HPGD: variants seen among roughly 807,000 people sequenced by gnomAD.
HPGD encodes the protein 15-hydroxyprostaglandin dehydrogenase, also known as 15-hydroxyprostaglandin dehydrogenase [NAD(+)].
Under a neutral mutation model 30.0 loss-of-function variants are expected in HPGD, and 29 were observed. The ratio of observed to expected loss-of-function variants is 0.97; its 90% CI spans 0.72 to 1.32. The LOEUF (loss-of-function observed/expected upper bound fraction) is 1.32. Among genes scored for constraint, HPGD ranks in the 40% most tolerant of loss-of-function variants. HPGD has a pLI of 0.00. For synonymous variants in HPGD, 99 were observed against 112.4 expected (o/e 0.88, Z 0.75); for missense variants, 340 against 322.1 (o/e 1.06, Z -0.43).
At chr4:174,499,311 C>T (rs1191621294) in intron 4 of HPGD, among the ~76,000 whole-genome samples, 3 of 152,066 alleles carry the variant, frequency 2.0e-5, no homozygotes. Flanking sequence ...ACAGAATAAA[C>T]CAGCCCAGGT....
chr4:174,498,124 T>C (rs568830320), intron 4 of HPGD, among the ~76,000 whole-genome samples: 39 of 151,924 alleles, frequency 2.6e-4, no homozygotes, highest in African/African-American at 9.4e-4. Flanking sequence ...AATTTTTGTA[T>C]GTTTGGTAGA....
intron 3 of HPGD, among the ~76,000 whole-genome samples, 183 bp from the exon 4 acceptor site, chr4:174,508,975 C>T (rs566326467): frequency 6.6e-6 from 1 of 152,268 alleles, no homozygotes; most frequent in East Asian, 1.9e-4. Flanking sequence ...TTTGGGTTTG[C>T]CTAATCATTG....
chr4:174,497,558 C>CTTTTCTTTTTTTTTTTTTTTTT (rs1734657328), intron 4 of HPGD, among the ~76,000 whole-genome samples: 1 of 50,716 alleles, frequency 2.0e-5, no homozygotes, highest in African/African-American at 6.7e-5. Context: ...TCTTTTCTTT[C>CTTTTCTTTTTTTTTTTTTTTTT]TTTTTCTTTC....
intron 3 of HPGD, among the ~76,000 whole-genome samples, chr4:174,516,430 A>T (rs953481461): frequency 6.6e-6 from 1 of 152,170 alleles, no homozygotes; most frequent in Admixed American, 6.5e-5. Flanking sequence ...AACAGGAACA[A>T]AACATTAAGC....
chr4:174,518,433 T>C (rs1441896057), intron 2 of HPGD, among the ~76,000 whole-genome samples: 4 of 152,204 alleles, frequency 2.6e-5, no homozygotes, highest in African/African-American at 7.2e-5. Context: ...TAAGAGCTCG[T>C]TGAAGTCAGT....
At chr4:174,522,536 C>T (rs1421339532), upstream of HPGD, 7 of 1,000,030 alleles carry the variant, frequency 7.0e-6, no homozygotes, top group South Asian at 3.7e-5. Context: ...CGCGCGCGCG[C>T]GTGCAGCCCG....
chr4:174,504,617 G>A (rs1245831240), intron 4 of HPGD, among the ~76,000 whole-genome samples: 2 of 151,766 alleles, frequency 1.3e-5, no homozygotes, highest in Non-Finnish European at 2.9e-5. Context: ...ATACCAGCCT[G>A]GCTAGCATGA....
intron 3 of HPGD, among the ~76,000 whole-genome samples, chr4:174,513,046 C>T (rs2067396476): frequency 6.6e-6 from 1 of 152,128 alleles, no homozygotes; most frequent in Non-Finnish European, 1.5e-5. Flanking sequence ...TGTTTCTTTA[C>T]GTTAGCTGTA....
In HPGD at chr4:174,496,348, A is replaced by T. The variant is rs1310414735; in HGVS notation, c.422-724T>A. On this transcript the variant is annotated intron_variant, in intron 4 of 6. Coordinates refer to ENST00000296522, the MANE Select transcript of HPGD (RefSeq NM_000860.6). This position sits in a 1 kb window ranked among gnomAD's most constrained non-coding sequence, Gnocchi z 4.6. ...TTCCACATATGCACAACAGTAACTG[A>T]TTAAATTCATGGTCTGGAGAGAAAA... Among the ~76,000 whole-genome samples the T allele has an allele frequency of 6.6e-6, 1 of 151,312 alleles. No homozygotes were observed. Among genetic ancestry groups the T allele is most frequent in the Admixed American group, 6.7e-5 (1 of 15,018 alleles).
intron 4 of HPGD, chr4:174,495,869 T>C (rs1205116671): frequency 1.6e-5 from 8 of 511,286 alleles, no homozygotes; most frequent in South Asian, 4.3e-5. Context: ...CCAAGAGTTA[T>C]ATGTGTTTTT....
Position 174,492,095 on chromosome 4 carries a change from C to T in HPGD, c.663-1G>A. The T allele has an allele frequency of 1.2e-6, 2 of 1,610,244 alleles. No homozygotes were observed. Among genetic ancestry groups the T allele is most frequent in the Non-Finnish European group, 1.7e-6 (2 of 1,177,496 alleles). ...CAATCCATTGGCAATCAATGGTGGG[C>T]TAAAAATAAAGAAAACAGTATTTTG... On this transcript the variant is annotated splice_acceptor_variant, in intron 6 of 6. Coordinates refer to ENST00000296522, the MANE Select transcript of HPGD (RefSeq NM_000860.6). LOFTEE classifies it high-confidence loss of function. This position sits in a 1 kb window ranked among gnomAD's most constrained non-coding sequence, Gnocchi z 4.9.
chr4:174,492,138 A>G lies in HPGD; in HGVS notation c.663-44T>C, dbSNP rs1579266796. 6.5e-7 allele frequency: 1 copy of G among 1,548,380 alleles called. No homozygotes were observed. Among genetic ancestry groups the G allele is most frequent in the South Asian group, 1.1e-5 (1 of 89,622 alleles). On this transcript the variant is annotated intron_variant, in intron 6 of 6. Transcript: ENST00000296522. This position sits in a 1 kb window ranked among gnomAD's most constrained non-coding sequence, Gnocchi z 4.9. ...GTATTTTGAAACGAAAGAATGAGGC[A>G]TATTACCACTTCATTTTAAGTTATT...
intron 3 of HPGD, among the ~76,000 whole-genome samples, chr4:174,510,826 A>T (rs977555873): frequency 6.6e-5 from 10 of 152,126 alleles, no homozygotes; most frequent in African/African-American, 2.4e-4. Context: ...GTGTCTATAT[A>T]TTATATATTT....
upstream of HPGD, chr4:174,522,636 C>G (rs936071883): frequency 8.3e-6 from 4 of 482,674 alleles, no homozygotes; most frequent in Non-Finnish European, 7.2e-6. Context: ...GCCCCCTGAG[C>G]GTTCTGGAGC....
At chr4:174,510,112 C>T (rs532628589) in intron 3 of HPGD, among the ~76,000 whole-genome samples, 5 of 152,158 alleles carry the variant, frequency 3.3e-5, no homozygotes, top group East Asian at 3.9e-4. Context: ...GCGTCTGAAA[C>T]GGAGGTTACA....
upstream of HPGD, chr4:174,522,601 C>G: frequency 3.7e-6 from 2 of 546,168 alleles, no homozygotes; most frequent in East Asian, 6.7e-5. Flanking sequence ...CAGCGCCCGC[C>G]GGGGAACCCA....
At chr4:174,512,109 T>A (rs180795367) in intron 3 of HPGD, among the ~76,000 whole-genome samples, 8 of 152,130 alleles carry the variant, frequency 5.3e-5, no homozygotes, top group Admixed American at 4.6e-4. Context: ...AGGAGTAAAT[T>A]TGATAAGGAG....
rs1340509952 is a variant in HPGD, at chr4:174,495,806, C to T, written c.422-182G>A. 4.8e-6 allele frequency: 3 copies of T among 628,070 alleles called. No individual in the cohort carries two copies. In the African/African-American group the frequency reaches 5.5e-5, roughly 11 times the overall value. The allele number at this position is 628,070 out of a possible 1,614,324, so 38.9% of individuals were successfully genotyped here. A position where few individuals can be genotyped will look rare whatever the true frequency, so the allele number is the denominator to read the frequency against. ...GTAGCCTAAGTGTAGTTTATTTGCT[C>T]CATGACCCGTGTCGTCCAGAATTTA... On this transcript the variant is annotated intron_variant, in intron 4 of 6. Coordinates refer to ENST00000296522, the MANE Select transcript of HPGD (RefSeq NM_000860.6).
chr4:174,517,492 T>C (rs1379573287), intron 3 of HPGD, among the ~76,000 whole-genome samples: 1 of 152,214 alleles, frequency 6.6e-6, no homozygotes, highest in African/African-American at 2.4e-5. Flanking sequence ...CTTTTACAAA[T>C]ATTAAACTTT....
Sources: allele counts gnomAD v4.1 joint callset (sites outside exome capture counted in the v4.1 genomes callset), GRCh38; gene constraint gnomAD v4.1.1; non-coding constraint Gnocchi (gnomAD v3.1); transcripts MANE v1.5; gene names NCBI Gene and HGNC (gene_info 2026-07-23, HGNC 2026-07-21).